The following RFC3 variants were observed in gnomAD, a reference collection of about 807,000 sequenced individuals.
The protein encoded by RFC3 is replication factor C subunit 3, also known as A1 38 kDa subunit.
In RFC3, 41 loss-of-function variants were observed where a neutral mutation model predicts 45.1. The observed-to-expected ratio is 0.91, with a 90% CI of 0.71 to 1.18. RFC3 has a LOEUF of 1.18. Ranked by LOEUF, RFC3 falls within the 50% of genes most tolerant of loss-of-function variation. The pLI is 0.00. For synonymous variants in RFC3, 149 were observed against 144.0 expected (o/e 1.03, Z -0.25); for missense variants, 423 against 428.1 (o/e 0.99, Z 0.10).
chr13:33,934,122 C>T (rs116323628), intron 8 of RFC3, among the ~76,000 whole-genome samples: 1,849 of 151,842 alleles, frequency 0.012, 25 homozygotes, highest in African/African-American at 0.043. Context: ...TGAGCTTGAG[C>T]TCAGGAGTAT....
intron 8 of RFC3, among the ~76,000 whole-genome samples, chr13:33,940,683 C>CCGTAGTCTAATAAAATGCTTA (rs1566036575): frequency 6.6e-6 from 1 of 152,078 alleles, no homozygotes; most frequent in African/African-American, 2.4e-5. Context: ...TTAATGCTTA[C>CCGTAGTCTAATAAAATGCTTA]CCTGACTTAC....
At chr13:33,956,538 A>G (rs2083023023) in intron 8 of RFC3, among the ~76,000 whole-genome samples, 1 of 152,238 alleles carries the variant, frequency 6.6e-6, no homozygotes, top group African/African-American at 2.4e-5. Context: ...CAAATAAAAT[A>G]CATTATCTCA....
rs564517297 is a variant in RFC3 at position 33,925,987 on chromosome 13, G to C, written c.880-40100G>C. On this transcript the variant is annotated intron_variant, in intron 8 of 8. Transcript: ENST00000434425. Reference sequence around the variant, plus strand: ...TGTCCAACAATGATAGACTGGATTAGGAAAATGTGGCACATATACACCATG... The same window carrying C: ...TGTCCAACAATGATAGACTGGATTACGAAAATGTGGCACATATACACCATG... Among the ~76,000 whole-genome samples the C allele has an allele frequency of 2.0e-5, 3 of 151,956 alleles. No homozygotes were observed. The South Asian group carries it at 6.2e-4, about 32-fold the overall frequency.
intron 8 of RFC3, among the ~76,000 whole-genome samples, chr13:33,855,358 A>G (rs2082302290): frequency 6.6e-6 from 1 of 151,986 alleles, no homozygotes; most frequent in Admixed American, 6.6e-5. Context: ...TATGTGCCTT[A>G]TTTTCTTTAC....
At chr13:33,962,728 A>G (rs1437229045) in intron 8 of RFC3, among the ~76,000 whole-genome samples, 1 of 152,198 alleles carries the variant, frequency 6.6e-6, no homozygotes, top group Admixed American at 6.5e-5. Context: ...AAAAGATTCT[A>G]AGTTCCAAAT....
chr13:33,909,555 C>G (rs538253902), intron 8 of RFC3, among the ~76,000 whole-genome samples: 4 of 152,024 alleles, frequency 2.6e-5, no homozygotes, highest in Non-Finnish European at 4.4e-5. Flanking sequence ...TCTTCTCTTT[C>G]TCCTTCTTTA....
intron 8 of RFC3, among the ~76,000 whole-genome samples, chr13:33,950,521 C>T (rs1040420331): frequency 6.6e-6 from 1 of 152,182 alleles, no homozygotes; most frequent in Admixed American, 6.5e-5. Context: ...TAAAGAAATA[C>T]TCCTTTCACC....
intron 8 of RFC3, among the ~76,000 whole-genome samples, chr13:33,943,035 G>A (rs188413163): frequency 1.0e-3 from 159 of 152,230 alleles, no homozygotes; most frequent in Non-Finnish European, 2.0e-3. Flanking sequence ...TGATTGTCAA[G>A]GTCAATATGT....
rs956991583 is a variant in RFC3 at position 33,828,409 on chromosome 13, A to G, written c.392-1427A>G. On this transcript the variant is annotated intron_variant, in intron 4 of 8. Coordinates refer to ENST00000380071, the MANE Select transcript of RFC3 (RefSeq NM_002915.4). Reference sequence around the variant, plus strand: ...ACTGCACCAGCCACAGCCACCTGGAACACTGTCTTAGAAGGGAACTTCATT... The same window carrying G: ...ACTGCACCAGCCACAGCCACCTGGAGCACTGTCTTAGAAGGGAACTTCATT... Among the ~76,000 whole-genome samples the G allele has an allele frequency of 1.7e-4, 26 of 152,290 alleles. 1 individual carries two copies. The highest frequency in any genetic ancestry group is 6.3e-4 in the African/African-American group (26 of 41,556).
intron 8 of RFC3, among the ~76,000 whole-genome samples, chr13:33,859,909 A>G (rs1593644794): frequency 6.6e-6 from 1 of 152,292 alleles, no homozygotes; most frequent in African/African-American, 2.4e-5. Flanking sequence ...GAATATGACT[A>G]TACATGGAGA....
chr13:33,901,750 A>G (rs1429925580), intron 8 of RFC3, among the ~76,000 whole-genome samples: 1 of 152,096 alleles, frequency 6.6e-6, no homozygotes, highest in East Asian at 1.9e-4. Context: ...ATGTACATTG[A>G]TTTGATCTTT....
intron 8 of RFC3, among the ~76,000 whole-genome samples, chr13:33,893,447 A>G (rs1159440749): frequency 6.6e-6 from 1 of 152,152 alleles, no homozygotes; most frequent in East Asian, 1.9e-4. Context: ...TCTTTAATAC[A>G]AAGACATACA....
chr13:33,899,579 T>A (rs2137663404), intron 8 of RFC3, among the ~76,000 whole-genome samples: 1 of 151,978 alleles, frequency 6.6e-6, no homozygotes, highest in Non-Finnish European at 1.5e-5. Context: ...AACATTTTAC[T>A]GAATGCAAAA....
chr13:33,918,374 G>GC (rs2082746506), intron 8 of RFC3, among the ~76,000 whole-genome samples: 1 of 152,040 alleles, frequency 6.6e-6, no homozygotes, highest in African/African-American at 2.4e-5. Context: ...CCCTTTCATG[G>GC]CCCCTGGCTG....
chr13:33,893,049 G>A (rs929783930), intron 8 of RFC3, among the ~76,000 whole-genome samples: 2 of 152,154 alleles, frequency 1.3e-5, no homozygotes, highest in Non-Finnish European at 2.9e-5. Context: ...TGCCAGAAGG[G>A]ACAATATCAC....
chr13:33,897,542 A>G (rs188174787), intron 8 of RFC3, among the ~76,000 whole-genome samples: 8 of 152,250 alleles, frequency 5.3e-5, no homozygotes, highest in Admixed American at 4.6e-4. Context: ...AATAAGCAAT[A>G]AAATGGCAGT....
At chr13:33,841,350 A>G (rs147757247), downstream of RFC3, among the ~76,000 whole-genome samples, 19 of 152,316 alleles carry the variant, frequency 1.2e-4, no homozygotes, top group Non-Finnish European at 2.6e-4. Flanking sequence ...ATACTTCTGT[A>G]GCCACCTCCT....
chr13:33,845,269 A>G (rs981898572), intron 8 of RFC3, among the ~76,000 whole-genome samples: 6 of 152,068 alleles, frequency 3.9e-5, no homozygotes, highest in Admixed American at 6.5e-5. Flanking sequence ...TTTGGGTTAA[A>G]TCTTGGTGTT....
Position 33,836,696 on chromosome 13 carries a change from C to G in RFC3, c.*401C>G. The G allele has an allele frequency of 1.0e-6, 1 of 986,252 alleles. No homozygotes were observed. The highest frequency in any genetic ancestry group is 4.7e-5 in the South Asian group (1 of 21,312). 61.1% of individuals were successfully genotyped at this position (986,252 alleles called of 1,614,324 possible). ...ACAGGTAACATGATTGTTTGACACA[C>G]CATTATATTTAATTCTAGTTTCTCT... On this transcript the variant is annotated 3_prime_UTR_variant, in exon 9 of 9. Transcript: ENST00000380071.
Sources: gnomAD v4.1 joint callset for allele counts (sites outside exome capture counted in the v4.1 genomes callset) on GRCh38, gnomAD v4.1.1 for gene constraint, MANE v1.5 for transcripts, NCBI Gene and HGNC (gene_info 2026-07-23, HGNC 2026-07-21) for gene names.